The following GALNT16 variants were observed in gnomAD, a reference collection of about 807,000 sequenced individuals.
The protein encoded by GALNT16 is UDP-GalNAc:polypeptide N-acetylgalactosaminyltransferase-like protein 1.
Under a neutral mutation model 76.1 loss-of-function variants are expected in GALNT16, and 40 were observed. The observed-to-expected ratio is 0.53, with a 90% confidence interval of 0.41 to 0.68. GALNT16 has a LOEUF of 0.68. Ranked by LOEUF, GALNT16 falls within the 30% of genes least tolerant of loss-of-function variation. GALNT16 has a pLI of 0.00. For missense variants in GALNT16, 621 were observed against 731.9 expected (o/e 0.85, Z 1.75); for synonymous variants, 276 against 285.2 (o/e 0.97, Z 0.32).
At chr14:69,286,132 G>A (rs887842802) in intron 1 of GALNT16, among the ~76,000 whole-genome samples, 4 of 152,054 alleles carry the variant, frequency 2.6e-5, no homozygotes, top group Admixed American at 2.6e-4. Context: ...AGAACCACAG[G>A]GCGCAGAACT....
the GALNT16 span, among the ~76,000 whole-genome samples, chr14:69,377,266 C>T: frequency 1.3e-5 from 2 of 152,162 alleles, no homozygotes; most frequent in Non-Finnish European, 1.5e-5. Flanking sequence ...CCTTCAAGGT[C>T]TTTGAGGTTA....
intron 5 of GALNT16, 62 bp from the exon 6 acceptor site, chr14:69,328,388 G>C: frequency 6.4e-7 from 1 of 1,562,672 alleles, no homozygotes. Flanking sequence ...GGGACTTTGG[G>C]GGACAGGTGG....
chr14:69,262,174 A>G (rs58486773), intron 1 of GALNT16, among the ~76,000 whole-genome samples: 2,906 of 152,246 alleles, frequency 0.019, 105 homozygotes, highest in African/African-American at 0.067. Context: ...TGAGGCGATG[A>G]GAAGAGGGTC....
intron 1 of GALNT16, among the ~76,000 whole-genome samples, chr14:69,267,203 C>G (rs960850930): frequency 2.6e-5 from 4 of 152,200 alleles, no homozygotes; most frequent in Admixed American, 2.6e-4. Flanking sequence ...TCCCCACACC[C>G]CTAAACTTCA....
chr14:69,322,335 C>T (rs1254258421), intron 2 of GALNT16, among the ~76,000 whole-genome samples: 1 of 152,208 alleles, frequency 6.6e-6, no homozygotes, highest in Non-Finnish European at 1.5e-5. Flanking sequence ...ACTTAGAGAC[C>T]TTTCATGGGC....
At position 69,351,882 on chromosome 14, in the gene GALNT16, C is replaced by T. The variant is rs35286134; in HGVS notation, c.1540-149C>T. 4.3e-6 allele frequency: 3 copies of T among 697,900 alleles called. 1 individual carries two copies. Among genetic ancestry groups the T allele is most frequent in the East Asian group, 5.8e-5 (2 of 34,690 alleles). The allele number at this position is 697,900 out of a possible 1,614,324, so 43.2% of individuals were successfully genotyped here. A position where few individuals can be genotyped will look rare whatever the true frequency, so the allele number is the denominator to read the frequency against. On this transcript the variant is annotated intron_variant, in intron 14 of 14. Coordinates refer to ENST00000448469, the MANE Select transcript of GALNT16 (RefSeq NM_001168368.2). ...AGCTGTGGTAGCACCACTGTAAGAA[C>T]AAGGTCATGCCTAAAAAGAAAGGAG...
chr14:69,323,565 C>T (rs2045234254), intron 2 of GALNT16, among the ~76,000 whole-genome samples: 1 of 152,198 alleles, frequency 6.6e-6, no homozygotes, highest in African/African-American at 2.4e-5. Flanking sequence ...TCCCAGCACA[C>T]CCCAGCTCAG....
the GALNT16 span, among the ~76,000 whole-genome samples, chr14:69,375,656 TTG>T: frequency 6.6e-6 from 1 of 152,200 alleles, no homozygotes; most frequent in Non-Finnish European, 1.5e-5. Flanking sequence ...CTTTATTTTA[TTG>T]TGAGACAAGT....
At chr14:69,321,563 C>T (rs540841047) in intron 2 of GALNT16, among the ~76,000 whole-genome samples, 9 of 152,184 alleles carry the variant, frequency 5.9e-5, no homozygotes, top group Non-Finnish European at 1.2e-4. Flanking sequence ...CACCACCCCC[C>T]GCTCCCCATG....
chr14:69,298,171 G>C (rs1055595659), intron 1 of GALNT16, among the ~76,000 whole-genome samples: 2 of 152,234 alleles, frequency 1.3e-5, no homozygotes, highest in African/African-American at 4.8e-5. Context: ...GGAGGGCAGA[G>C]GAGTTACAGC....
At chr14:69,325,500 T>C (rs1382281774) in intron 4 of GALNT16, 96 bp downstream of exon 4, 20 of 797,564 alleles carry the variant, frequency 2.5e-5, no homozygotes, top group Non-Finnish European at 4.3e-5. Context: ...GTCCTGACCA[T>C]CGCAGACACC....
At chr14:69,309,124 T>G (rs1276737876) in intron 1 of GALNT16, among the ~76,000 whole-genome samples, 2 of 152,130 alleles carry the variant, frequency 1.3e-5, no homozygotes, top group East Asian at 1.9e-4. Context: ...TATTTTTATT[T>G]TATTTTTCCT....
intron 1 of GALNT16, among the ~76,000 whole-genome samples, chr14:69,269,168 T>C (rs961435436): frequency 2.0e-5 from 3 of 152,212 alleles, no homozygotes; most frequent in African/African-American, 4.8e-5. Context: ...ATAATGTGTG[T>C]GTATAAAAGC....
Position 69,333,687 on chromosome 14 carries a change from C to T in GALNT16, c.967+87C>T, listed in dbSNP as rs1416547305. ...ACAGAGCACTTTCTATGCGTGAGGA[C>T]CTGCTCTAAGGACTTTACACACATG... is the stretch of plus-strand genomic sequence containing the variant. On this transcript the variant is annotated intron_variant, in intron 9 of 14. Transcript: ENST00000448469. This position sits in a 1 kb window ranked among gnomAD's most constrained non-coding sequence, Gnocchi z 4.2. 1 of 753,412 alleles carries T rather than the reference C, an allele frequency of 1.3e-6. No individual in the cohort carries two copies. The highest frequency in any genetic ancestry group is 2.3e-6 in the Non-Finnish European group (1 of 426,918). The allele number at this position is 753,412 out of a possible 1,614,324, so 46.7% of individuals were successfully genotyped here. A position where few individuals can be genotyped will look rare whatever the true frequency, so the allele number is the denominator to read the frequency against.
intron 1 of GALNT16, among the ~76,000 whole-genome samples, chr14:69,302,454 T>C (rs1416791071): frequency 6.6e-6 from 1 of 152,224 alleles, no homozygotes; most frequent in Non-Finnish European, 1.5e-5. Flanking sequence ...TTTTTATTTA[T>C]GTAATATCTA....
chr14:69,284,948 A>G (rs1374864735), intron 1 of GALNT16, among the ~76,000 whole-genome samples: 1 of 151,602 alleles, frequency 6.6e-6, no homozygotes, highest in Non-Finnish European at 1.5e-5. Context: ...CCCTTCTGCC[A>G]TGATTGTAAG....
At chr14:69,319,748 A>G (rs2045150473) in intron 1 of GALNT16, among the ~76,000 whole-genome samples, 1 of 152,242 alleles carries the variant, frequency 6.6e-6, no homozygotes, top group Non-Finnish European at 1.5e-5. Flanking sequence ...ATCACTGCCC[A>G]GCACTTAGTG....
rs552798666 is a variant in GALNT16 at position 69,337,996 on chromosome 14, C to T, written c.968-655C>T. The stretch of plus-strand genomic sequence containing the variant: ...CTTACCATAAATGGCAACTGGTGAG[C>T]GGAGATCAGAGTGGTAACTTTTGAG... On this transcript the variant is annotated intron_variant, in intron 9 of 14. Coordinates refer to ENST00000448469, the MANE Select transcript of GALNT16 (RefSeq NM_001168368.2). 5.3e-4 allele frequency among the ~76,000 whole-genome samples: 81 copies of T among 152,322 alleles called. No homozygotes were observed. The South Asian group carries it at 0.016, about 31-fold the overall frequency.
intron 1 of GALNT16, among the ~76,000 whole-genome samples, chr14:69,317,225 T>C (rs1239396788): frequency 1.3e-5 from 2 of 152,168 alleles, no homozygotes; most frequent in African/African-American, 4.8e-5. Flanking sequence ...CCCTCGCCAA[T>C]ACACTTAGTG....
Sources: gnomAD v4.1 joint callset for allele counts (sites outside exome capture counted in the v4.1 genomes callset) on GRCh38, gnomAD v4.1.1 for gene constraint, Gnocchi (gnomAD v3.1) non-coding constraint, MANE v1.5 for transcripts, NCBI Gene and HGNC (gene_info 2026-07-23, HGNC 2026-07-21) for gene names.